NHEJ1: variants seen among roughly 807,000 people sequenced by gnomAD.
NHEJ1 encodes the protein non-homologous end-joining factor 1.
Under a neutral mutation model 39.4 loss-of-function variants are expected in NHEJ1, and 22 were observed. That is an observed-to-expected ratio of 0.56 (90% CI 0.40 to 0.80). The LOEUF is 0.80. Among genes scored for constraint, NHEJ1 ranks in the 30% least tolerant of loss-of-function variants. The pLI is 0.00. For missense variants in NHEJ1, 329 were observed against 357.1 expected (o/e 0.92, Z 0.63); for synonymous variants, 154 against 135.6 (o/e 1.14, Z -0.94).
intron 1 of NHEJ1, among the ~76,000 whole-genome samples, chr2:219,159,961 G>A: frequency 6.6e-6 from 1 of 152,076 alleles, no homozygotes; most frequent in South Asian, 2.1e-4. Context: ...ATGTGGCCAG[G>A]AGTAACGGGC....
At chr2:219,108,521 C>T (rs943225084) in intron 5 of NHEJ1, among the ~76,000 whole-genome samples, 1 of 152,114 alleles carries the variant, frequency 6.6e-6, no homozygotes, top group Non-Finnish European at 1.5e-5. Flanking sequence ...TGTTACTACT[C>T]TAGTCATCCA....
At chr2:219,110,060 C>T (rs1949349993) in intron 5 of NHEJ1, among the ~76,000 whole-genome samples, 1 of 152,094 alleles carries the variant, frequency 6.6e-6, no homozygotes, top group South Asian at 2.1e-4. Context: ...CTTTTCCTTC[C>T]CTCCCTTCCT....
chr2:219,077,861 T>C (rs966651393), intron 6 of NHEJ1, among the ~76,000 whole-genome samples: 4 of 152,226 alleles, frequency 2.6e-5, no homozygotes, highest in African/African-American at 9.6e-5. Flanking sequence ...TCTGCAATGA[T>C]GGAAATGTTC....
chr2:219,099,775 A>G (rs1949239612), intron 5 of NHEJ1, among the ~76,000 whole-genome samples: 1 of 152,192 alleles, frequency 6.6e-6, no homozygotes, highest in African/African-American at 2.4e-5. Flanking sequence ...CAGAAAAGAC[A>G]TGGGAAAAGT....
intron 1 of NHEJ1, chr2:219,159,299 AC>A: frequency 6.6e-6 from 1 of 152,110 alleles, no homozygotes; most frequent in African/African-American, 2.4e-5. Flanking sequence ...AATCAGAACT[AC>A]GGCTGCTTGA....
At chr2:219,141,883 A>T (rs1211254222) in intron 5 of NHEJ1, among the ~76,000 whole-genome samples, 1 of 152,020 alleles carries the variant, frequency 6.6e-6, no homozygotes, top group Non-Finnish European at 1.5e-5. Context: ...CAAAGAAACC[A>T]ATTAGAAGTG....
At chr2:219,153,532 C>T (rs1949817774) in intron 3 of NHEJ1, among the ~76,000 whole-genome samples, 1 of 152,176 alleles carries the variant, frequency 6.6e-6, no homozygotes, top group African/African-American at 2.4e-5. Flanking sequence ...TGAAGATGGA[C>T]TCAGTGTTAG....
chr2:219,152,789 T>TTATTTATTTATTTATTTA (rs60094718), intron 3 of NHEJ1, among the ~76,000 whole-genome samples: 5 of 87,784 alleles, frequency 5.7e-5, no homozygotes, highest in South Asian at 4.2e-4. Context: ...ATTTATTTAT[T>TTATTTATTTATTTATTTA]TTTATTTATT....
chr2:219,150,146 C>T (rs979527404), intron 3 of NHEJ1, among the ~76,000 whole-genome samples: 3 of 152,196 alleles, frequency 2.0e-5, no homozygotes, highest in Non-Finnish European at 4.4e-5. Flanking sequence ...AAATTTACTA[C>T]TAAAAGTTCT....
chr2:219,089,612 T>C (rs894622055), intron 5 of NHEJ1, among the ~76,000 whole-genome samples: 3 of 152,196 alleles, frequency 2.0e-5, no homozygotes, highest in African/African-American at 7.2e-5. Flanking sequence ...CAAATAGGTA[T>C]GGCATTTATT....
intron 5 of NHEJ1, among the ~76,000 whole-genome samples, chr2:219,096,295 T>C (rs73991033): frequency 0.016 from 2,460 of 152,344 alleles, 69 homozygotes; most frequent in African/African-American, 0.056. Context: ...TAAAGTGCTG[T>C]AGAGATATAT....
At chr2:219,124,037 TAGCA>T (rs1949494916) in intron 5 of NHEJ1, among the ~76,000 whole-genome samples, 1 of 152,178 alleles carries the variant, frequency 6.6e-6, no homozygotes, top group South Asian at 2.1e-4. Context: ...GCAATAACCC[TAGCA>T]ATGGCAGCCC....
intron 3 of NHEJ1, among the ~76,000 whole-genome samples, chr2:219,152,254 G>A (rs1259106547): frequency 6.6e-6 from 1 of 152,118 alleles, no homozygotes; most frequent in Non-Finnish European, 1.5e-5. Context: ...TTTTTCCGAG[G>A]AAAAGCTATT....
At chr2:219,118,655 A>G (rs1212544981) in intron 5 of NHEJ1, among the ~76,000 whole-genome samples, 1 of 152,166 alleles carries the variant, frequency 6.6e-6, no homozygotes, top group African/African-American at 2.4e-5. Context: ...TGTGCAGAGA[A>G]GGACAGGGAT....
chr2:219,122,948 C>T (rs1475156289), intron 5 of NHEJ1, among the ~76,000 whole-genome samples: 1 of 152,188 alleles, frequency 6.6e-6, no homozygotes, highest in Non-Finnish European at 1.5e-5. Context: ...TGGAGCTTGG[C>T]CCCTATGCAA....
intron 5 of NHEJ1, among the ~76,000 whole-genome samples, chr2:219,083,738 T>C (rs1949087239): frequency 1.3e-5 from 2 of 152,220 alleles, no homozygotes; most frequent in African/African-American, 2.4e-5. Context: ...TGTCTGTTCC[T>C]TCCCTTTGCA....
In NHEJ1 at chr2:219,160,048, G is replaced by A. The variant is rs563864390; in HGVS notation, c.-1+672C>T. Reference sequence around the variant, plus strand: ...ACCACACGCGTCCCGTTCTGCGTCCGAAGCTTCTACACTTCATCCTTTTCT... The same window carrying A: ...ACCACACGCGTCCCGTTCTGCGTCCAAAGCTTCTACACTTCATCCTTTTCT... On this transcript the variant is annotated intron_variant, in intron 1 of 7. Coordinates refer to ENST00000356853, the MANE Select transcript of NHEJ1 (RefSeq NM_024782.3). Among the ~76,000 whole-genome samples, 380 of 152,180 alleles carry A rather than the reference G, an allele frequency of 2.5e-3. 3 individuals are homozygous for A. The highest frequency in any genetic ancestry group is 8.3e-3 in the African/African-American group (345 of 41,516).
chr2:219,075,132 C>A lies in NHEJ1; in HGVS notation c.*1249G>T, dbSNP rs1006832480. 6.6e-6 allele frequency among the ~76,000 whole-genome samples: 1 copy of A among 152,160 alleles called. No homozygotes were observed. The highest frequency in any genetic ancestry group is 1.5e-5 in the Non-Finnish European group (1 of 68,026). On this transcript the variant is annotated 3_prime_UTR_variant, in exon 8 of 8. Coordinates refer to ENST00000356853, the MANE Select transcript of NHEJ1 (RefSeq NM_024782.3). ...TATAATAATGCTGTTAAGAACTCAG[C>A]TGTCTGGGCTTAAATTCTGGCTGTC...
At chr2:219,108,761 T>C (rs183451890) in intron 5 of NHEJ1, among the ~76,000 whole-genome samples, 2 of 152,116 alleles carry the variant, frequency 1.3e-5, no homozygotes, top group African/African-American at 2.4e-5. Context: ...ATTACTGAGA[T>C]GGGCAATGAC....
Sources: gnomAD v4.1 joint callset for allele counts (sites outside exome capture counted in the v4.1 genomes callset) on GRCh38, gnomAD v4.1.1 for gene constraint, MANE v1.5 for transcripts, NCBI Gene and HGNC (gene_info 2026-07-23, HGNC 2026-07-21) for gene names.